TC2N: variants seen among roughly 807,000 people sequenced by gnomAD.
TC2N encodes the protein tandem C2 domains, nuclear.
In TC2N, 51 loss-of-function variants were observed where a neutral mutation model predicts 61.9. The ratio of observed to expected loss-of-function variants is 0.82; its 90% CI spans 0.66 to 1.04. The LOEUF is 1.04. Ranked by LOEUF, TC2N falls within the 50% of genes least tolerant of loss-of-function variation. TC2N has a pLI of 0.00. For missense variants in TC2N, 556 were observed against 566.7 expected, an observed-to-expected ratio of 0.98 and a Z score of 0.19; for synonymous variants, 204 against 192.6, an observed-to-expected ratio of 1.06 and a Z score of -0.49.
At position 91,802,244 on chromosome 14, in the gene TC2N, A is replaced by G; in HGVS notation, c.469+10T>C. 6.6e-7 allele frequency: 1 copy of G among 1,506,934 alleles called. No individual in the cohort carries two copies. The highest frequency in any genetic ancestry group is 8.8e-7 in the Non-Finnish European group (1 of 1,132,328). 93.3% of individuals were successfully genotyped at this position (1,506,934 alleles called of 1,614,324 possible). A position where few individuals can be genotyped will look rare whatever the true frequency, so the allele number is the denominator to read the frequency against. ...AACACAGAGAGGAAAAGCACAAAAGATCTTCATACCCGATCCATACAGTCT... is the reference window on the plus strand; with the variant it reads ...AACACAGAGAGGAAAAGCACAAAAGGTCTTCATACCCGATCCATACAGTCT... On this transcript the variant is annotated intron_variant, in intron 4 of 11. Coordinates refer to ENST00000435962, the MANE Select transcript of TC2N (RefSeq NM_001128596.3).
At chr14:91,826,619 C>A (rs1488930683) in intron 1 of TC2N, among the ~76,000 whole-genome samples, 2 of 151,936 alleles carry the variant, frequency 1.3e-5, no homozygotes, top group Non-Finnish European at 2.9e-5. Flanking sequence ...GTTATATCTT[C>A]TTTCCATCAT....
At chr14:91,793,800 C>T (rs896700869) in intron 8 of TC2N, among the ~76,000 whole-genome samples, 1 of 152,122 alleles carries the variant, frequency 6.6e-6, no homozygotes, top group Non-Finnish European at 1.5e-5. Flanking sequence ...CAATTAATAA[C>T]CCTAAAATGC....
At chr14:91,856,290 A>T (rs1888481280) in intron 1 of TC2N, among the ~76,000 whole-genome samples, 1 of 152,124 alleles carries the variant, frequency 6.6e-6, no homozygotes, top group Non-Finnish European at 1.5e-5. Context: ...GGAGTTTGAG[A>T]CCAGCTTGGC....
At chr14:91,814,368 A>G (rs1203241134) in intron 1 of TC2N, among the ~76,000 whole-genome samples, 2 of 151,170 alleles carry the variant, frequency 1.3e-5, no homozygotes, top group East Asian at 3.9e-4. Flanking sequence ...AAAAAAAAAA[A>G]AAGTCAAGGG....
At chr14:91,811,381 A>G (rs1471509278) in intron 3 of TC2N, among the ~76,000 whole-genome samples, 1 of 151,784 alleles carries the variant, frequency 6.6e-6, no homozygotes, top group Non-Finnish European at 1.5e-5. Flanking sequence ...ATTTTCCTGT[A>G]TGTTTGAAAT....
At chr14:91,815,582 T>G (rs1242188660) in intron 1 of TC2N, among the ~76,000 whole-genome samples, 1 of 151,636 alleles carries the variant, frequency 6.6e-6, no homozygotes, top group Non-Finnish European at 1.5e-5. Flanking sequence ...CTACTTAAAC[T>G]CCATACGTTT....
chr14:91,785,428 A>C (rs902088035), intron 10 of TC2N, 67 bp from the exon 11 acceptor site: 4 of 1,166,602 alleles, frequency 3.4e-6, no homozygotes, highest in Non-Finnish European at 5.0e-6. Flanking sequence ...GTGTATATAC[A>C]CATCCAAGTT....
chr14:91,843,213 A>G (rs914386965), intron 1 of TC2N, among the ~76,000 whole-genome samples: 1 of 149,526 alleles, frequency 6.7e-6, no homozygotes, highest in Non-Finnish European at 1.5e-5. Context: ...AGCGTGAGAA[A>G]TAAAAGATGA....
chr14:91,850,776 C>T (rs1009937089), intron 1 of TC2N, among the ~76,000 whole-genome samples: 1 of 152,118 alleles, frequency 6.6e-6, no homozygotes, highest in Admixed American at 6.5e-5. Context: ...ACTAAAAATA[C>T]AAAAATTAGC....
At chr14:91,841,747 T>C (rs1338777609) in intron 1 of TC2N, among the ~76,000 whole-genome samples, 3 of 152,176 alleles carry the variant, frequency 2.0e-5, no homozygotes, top group East Asian at 1.9e-4. Context: ...AGTCCACCTG[T>C]ACAGGGCTTC....
intron 3 of TC2N, among the ~76,000 whole-genome samples, chr14:91,806,866 T>C (rs1016016792): frequency 6.6e-6 from 1 of 152,224 alleles, no homozygotes; most frequent in African/African-American, 2.4e-5. Context: ...TCAGAGACCT[T>C]TGCAGCAAGC....
Position 91,822,906 on chromosome 14 carries a change from G to A in TC2N, c.-56-9081C>T, listed in dbSNP as rs953170938. Among the ~76,000 whole-genome samples the A allele has an allele frequency of 5.3e-5, 8 of 151,556 alleles. No individual in the cohort carries two copies. In the East Asian group the frequency reaches 5.9e-4, roughly 11 times the overall value. On this transcript the variant is annotated intron_variant, in intron 1 of 11. Transcript: ENST00000435962. ...ATTTTTTGTATTTTTTAGTAGAGAC[G>A]GGGTTTCACCGTGTTAGCCAGGATG... is the stretch of plus-strand genomic sequence containing the variant.
intron 3 of TC2N, among the ~76,000 whole-genome samples, chr14:91,808,201 T>C (rs1225301169): frequency 6.6e-6 from 1 of 152,224 alleles, no homozygotes; most frequent in African/African-American, 2.4e-5. Context: ...GTGTATCATC[T>C]TTTAACTTTT....
intron 8 of TC2N, 32 bp downstream of exon 8, chr14:91,797,751 CAG>C: frequency 9.3e-7 from 1 of 1,077,664 alleles, no homozygotes; most frequent in South Asian, 1.6e-5. Context: ...AAAAAAAAAA[CAG>C]AAAAGAAATT....
At chr14:91,832,366 G>C (rs1373533065) in intron 1 of TC2N, among the ~76,000 whole-genome samples, 1 of 136,078 alleles carries the variant, frequency 7.3e-6, no homozygotes, top group Admixed American at 7.8e-5. Context: ...CTCCAGCATG[G>C]GCAATAAGAG....
intron 11 of TC2N, 96 bp downstream of exon 11, chr14:91,785,066 A>C (rs548835230): frequency 2.6e-6 from 2 of 780,278 alleles, no homozygotes; most frequent in Non-Finnish European, 4.1e-6. Context: ...GAAGAACTGT[A>C]CTCTATTTGA....
At chr14:91,803,440 T>TATAA (rs386382159) in intron 3 of TC2N, among the ~76,000 whole-genome samples, 5 of 150,254 alleles carry the variant, frequency 3.3e-5, no homozygotes, top group African/African-American at 1.2e-4. Context: ...TATATATATA[T>TATAA]AATTTTATTT....
intron 3 of TC2N, among the ~76,000 whole-genome samples, chr14:91,808,796 A>G (rs1595242854): frequency 6.6e-6 from 1 of 152,342 alleles, no homozygotes; most frequent in East Asian, 1.9e-4. Flanking sequence ...TATGAAAATA[A>G]TAGAGTAAAA....
At chr14:91,790,030 T>C (rs796529345) in intron 9 of TC2N, among the ~76,000 whole-genome samples, 12 of 152,294 alleles carry the variant, frequency 7.9e-5, no homozygotes, top group African/African-American at 2.9e-4. Context: ...ATTCAAATCC[T>C]GACTCCCCAA....
Sources: gnomAD v4.1 joint callset for allele counts (sites outside exome capture counted in the v4.1 genomes callset) on GRCh38, gnomAD v4.1.1 for gene constraint, MANE v1.5 for transcripts, NCBI Gene and HGNC (gene_info 2026-07-23, HGNC 2026-07-21) for gene names.